BCAS3: variants seen among roughly 807,000 people sequenced by gnomAD.
BCAS3 encodes the protein BCAS4/BCAS3 fusion.
Under a neutral mutation model 116.1 loss-of-function variants are expected in BCAS3, and 53 were observed. That is an observed-to-expected ratio of 0.46 (90% CI 0.37 to 0.57). The LOEUF is 0.57. BCAS3 is among the 20% of genes least tolerant of loss of function. The pLI, the probability that BCAS3 is intolerant of heterozygous loss-of-function variation, is 0.00. For synonymous variants in BCAS3, 391 were observed against 408.2 expected (o/e 0.96, Z 0.51); for missense variants, 917 against 1,165.4 (o/e 0.79, Z 3.10).
chr17:60,887,646 A>C (rs1043463781), intron 9 of BCAS3, among the ~76,000 whole-genome samples: 1 of 152,150 alleles, frequency 6.6e-6, no homozygotes, highest in Non-Finnish European at 1.5e-5. Flanking sequence ...TTCTTGTTGA[A>C]AATCAGTGGA....
intron 22 of BCAS3, among the ~76,000 whole-genome samples, chr17:61,159,089 A>G (rs1428691262): frequency 6.6e-6 from 1 of 152,176 alleles, no homozygotes; most frequent in Non-Finnish European, 1.5e-5. Flanking sequence ...TATAGTCTTC[A>G]CTGTCTCAGC....
chr17:61,116,921 C>G (rs2075499446), intron 22 of BCAS3, among the ~76,000 whole-genome samples: 1 of 152,034 alleles, frequency 6.6e-6, no homozygotes, highest in Non-Finnish European at 1.5e-5. Context: ...AAGATTTTTT[C>G]TTTGTCTTTC....
chr17:61,000,661 G>A (rs1318592503), intron 15 of BCAS3, among the ~76,000 whole-genome samples: 1 of 152,046 alleles, frequency 6.6e-6, no homozygotes, highest in African/African-American at 2.4e-5. Context: ...TACAGTACCT[G>A]TTATCCAGAA....
rs1017562136 is a variant in BCAS3, at chr17:61,065,312, A to G, written c.2030-9608A>G. Reference sequence around the variant, plus strand: ...TAAAATGGCAAATTTTAGTTTCTATACTAAGAAACTACATTCCCAAGCAGA... The same window carrying G: ...TAAAATGGCAAATTTTAGTTTCTATGCTAAGAAACTACATTCCCAAGCAGA... On this transcript the variant is annotated intron_variant, in intron 19 of 23. Transcript: ENST00000407086. The surrounding 1 kb of genome is among the most constrained non-coding windows in gnomAD (Gnocchi z 4.8). 6.6e-6 allele frequency among the ~76,000 whole-genome samples: 1 copy of G among 152,156 alleles called. No individual in the cohort carries two copies. The highest frequency in any genetic ancestry group is 1.5e-5 in the Non-Finnish European group (1 of 68,024).
chr17:61,178,956 C>G (rs1215100308), intron 22 of BCAS3, among the ~76,000 whole-genome samples: 1 of 151,960 alleles, frequency 6.6e-6, no homozygotes. Flanking sequence ...AAAAATGATA[C>G]GATGTTTTCC....
intron 3 of BCAS3, among the ~76,000 whole-genome samples, chr17:60,684,912 T>A (rs186684661): frequency 6.6e-6 from 1 of 151,360 alleles, no homozygotes; most frequent in East Asian, 1.9e-4. Context: ...AAAAGCTGAG[T>A]GGGAAAAAAA....
chr17:60,924,900 GT>G (rs916623711), intron 13 of BCAS3, among the ~76,000 whole-genome samples: 105 of 143,366 alleles, frequency 7.3e-4, no homozygotes, highest in African/African-American at 1.9e-3. Context: ...AATTTTCTCG[GT>G]TTTTTTTTTA....
rs1325835233 is a variant in BCAS3 at position 61,045,911 on chromosome 17, AT to A, written c.2029+5022del. Among the ~76,000 whole-genome samples, 251 of 31,034 alleles carry A rather than the reference AT, an allele frequency of 8.1e-3. 11 individuals carry two copies. The highest frequency in any genetic ancestry group is 0.021 in the African/African-American group (60 of 2,836). 20.4% of individuals were successfully genotyped at this position (31,034 alleles called of 152,430 possible). A position where few individuals can be genotyped will look rare whatever the true frequency, so the allele number is the denominator to read the frequency against. On this transcript the variant is annotated intron_variant, in intron 19 of 23. Coordinates refer to ENST00000407086, the MANE Select transcript of BCAS3 (RefSeq NM_017679.5). ...ATATATATAATATATATAAATATAT[AT>A]TTATATATATAATATATATAAATAT...
chr17:61,385,228 C>T (rs2059787928), intron 23 of BCAS3, among the ~76,000 whole-genome samples: 1 of 152,240 alleles, frequency 6.6e-6, no homozygotes, highest in Admixed American at 6.5e-5. Context: ...CTGCCTGGGC[C>T]ACCACCTCTC....
intron 19 of BCAS3, among the ~76,000 whole-genome samples, chr17:61,050,275 G>C (rs1295803372): frequency 6.6e-6 from 1 of 151,832 alleles, no homozygotes; most frequent in Non-Finnish European, 1.5e-5. Context: ...AAATGGATGA[G>C]ATATTTTTCT....
chr17:61,234,238 CTG>C (rs2082860389), intron 22 of BCAS3, among the ~76,000 whole-genome samples: 1 of 152,134 alleles, frequency 6.6e-6, no homozygotes, highest in Admixed American at 6.5e-5. Flanking sequence ...AAGCTTCCCA[CTG>C]AGTACTAGGA....
At position 61,196,852 on chromosome 17, in the gene BCAS3, G is replaced by A. The variant is rs2080510425; in HGVS notation, c.2425+112288G>A. Among the ~76,000 whole-genome samples, 1 of 152,170 alleles carries A rather than the reference G, an allele frequency of 6.6e-6. No homozygotes were observed. Among genetic ancestry groups the A allele is most frequent in the African/African-American group, 2.4e-5 (1 of 41,438 alleles). On this transcript the variant is annotated intron_variant, in intron 22 of 23. Coordinates refer to ENST00000407086, the MANE Select transcript of BCAS3 (RefSeq NM_017679.5). The surrounding 1 kb of genome is among the most constrained non-coding windows in gnomAD (Gnocchi z 4.7). ...CTCTAAAGTATAGTTTATATATAATGTCATGGTTATTTGTAGAGAGATTGA... is the reference window on the plus strand; with the variant it reads ...CTCTAAAGTATAGTTTATATATAATATCATGGTTATTTGTAGAGAGATTGA...
chr17:60,823,469 T>G (rs1598957125), intron 7 of BCAS3, among the ~76,000 whole-genome samples: 1 of 151,724 alleles, frequency 6.6e-6, no homozygotes, highest in Non-Finnish European at 1.5e-5. Flanking sequence ...GAGGCTGAGG[T>G]AGGAATATCA....
chr17:60,711,108 A>G (rs188380725), intron 5 of BCAS3, among the ~76,000 whole-genome samples: 6 of 150,036 alleles, frequency 4.0e-5, no homozygotes, highest in East Asian at 3.9e-4. Context: ...GGCCAATTCT[A>G]TTCTTATAAT....
chr17:60,835,226 T>C (rs1353101516), intron 7 of BCAS3, among the ~76,000 whole-genome samples: 3 of 152,032 alleles, frequency 2.0e-5, no homozygotes, highest in Non-Finnish European at 4.4e-5. Context: ...AATATATTTT[T>C]CTTTTACATG....
intron 15 of BCAS3, among the ~76,000 whole-genome samples, chr17:61,000,889 A>G (rs1255046552): frequency 6.6e-6 from 1 of 152,212 alleles, no homozygotes; most frequent in African/African-American, 2.4e-5. Context: ...ATGGTTTTAT[A>G]AATCAGTACA....
chr17:60,975,345 G>T (rs932787403), intron 14 of BCAS3, among the ~76,000 whole-genome samples: 8 of 152,200 alleles, frequency 5.3e-5, no homozygotes, highest in Admixed American at 6.5e-5. Context: ...AATGAGCCAC[G>T]ATAGGCACAG....
Position 61,211,368 on chromosome 17 carries a change from C to T in BCAS3, c.2425+126804C>T, listed in dbSNP as rs1476622462. On this transcript the variant is annotated intron_variant, in intron 22 of 23. Transcript: ENST00000407086. The surrounding 1 kb of genome is among the most constrained non-coding windows in gnomAD (Gnocchi z 4.4). ...GACTCCAGCCTCTTTGACAGTCATTCTCCCACTGTGTCCCTTTTGACTTCT... is the reference window on the plus strand; with the variant it reads ...GACTCCAGCCTCTTTGACAGTCATTTTCCCACTGTGTCCCTTTTGACTTCT... Among the ~76,000 whole-genome samples, 1 of 152,192 alleles carries T rather than the reference C, an allele frequency of 6.6e-6. No homozygotes were observed. The highest frequency in any genetic ancestry group is 1.9e-4 in the East Asian group (1 of 5,194).
At chr17:60,850,778 C>G (rs969849056) in intron 7 of BCAS3, among the ~76,000 whole-genome samples, 1 of 151,870 alleles carries the variant, frequency 6.6e-6, no homozygotes, top group African/African-American at 2.4e-5. Flanking sequence ...CTTTTATTAG[C>G]AACAAAGAAT....
Sources: allele counts gnomAD v4.1 joint callset (sites outside exome capture counted in the v4.1 genomes callset), GRCh38; gene constraint gnomAD v4.1.1; non-coding constraint Gnocchi (gnomAD v3.1); transcripts MANE v1.5; gene names NCBI Gene and HGNC (gene_info 2026-07-23, HGNC 2026-07-21).